The following AGMO variants were observed in gnomAD, a reference collection of about 807,000 sequenced individuals.
The protein encoded by AGMO is alkylglycerol monooxygenase.
In AGMO, 75 loss-of-function variants were observed where a neutral mutation model predicts 60.2. The ratio of observed to expected loss-of-function variants is 1.25; its 90% confidence interval spans 1.03 to 1.51. AGMO has a LOEUF of 1.51. Ranked by LOEUF, AGMO falls within the 40% of genes most tolerant of loss-of-function variation. The pLI is 0.00. For synonymous variants in AGMO, 261 were observed against 177.1 expected, an observed-to-expected ratio of 1.47 and a Z score of -3.76; for missense variants, 763 against 525.5, an observed-to-expected ratio of 1.45 and a Z score of -4.42.
At chr7:15,333,904 G>A (rs1165779924) in intron 12 of AGMO, among the ~76,000 whole-genome samples, 5 of 151,876 alleles carry the variant, frequency 3.3e-5, no homozygotes, top group Non-Finnish European at 7.4e-5. Flanking sequence ...TTCTTCCAGT[G>A]TTCTCAATAT....
chr7:15,555,270 C>CATATATAT (rs375890408), intron 2 of AGMO, among the ~76,000 whole-genome samples: 38 of 114,016 alleles, frequency 3.3e-4, no homozygotes, highest in African/African-American at 4.9e-4. Context: ...TGTATTGGAT[C>CATATATAT]ATATATATAT....
At chr7:15,346,393 T>C (rs1229406676) in intron 12 of AGMO, among the ~76,000 whole-genome samples, 3 of 152,114 alleles carry the variant, frequency 2.0e-5, no homozygotes, top group Non-Finnish European at 4.4e-5. Context: ...TGTTTTTTCA[T>C]GACACCTACT....
chr7:15,467,865 G>A (rs1479346048), intron 3 of AGMO, among the ~76,000 whole-genome samples: 3 of 151,854 alleles, frequency 2.0e-5, no homozygotes, highest in African/African-American at 4.8e-5. Flanking sequence ...CCGGTTTTAG[G>A]GAAATGGCCT....
At position 15,462,719 on chromosome 7, in the gene AGMO, T is replaced by C. The variant is rs147229620; in HGVS notation, c.410-31611A>G. ...AGAAAAATTAAGCTCTATCATGTGA[T>C]TGGCTAAAATGCCCTATATGAAAAC... is the stretch of plus-strand genomic sequence containing the variant. On this transcript the variant is annotated intron_variant, in intron 3 of 12. Transcript: ENST00000342526. Among the ~76,000 whole-genome samples, 624 of 152,286 alleles carry C rather than the reference T, an allele frequency of 4.1e-3. 5 individuals are homozygous for C. The highest frequency in any genetic ancestry group is 0.014 in the African/African-American group (589 of 41,554).
rs62441409 is a variant in AGMO, at chr7:15,393,288, C to G, written c.676+825G>C. On this transcript the variant is annotated intron_variant, in intron 6 of 12. Coordinates refer to ENST00000342526, the MANE Select transcript of AGMO (RefSeq NM_001004320.2). ...CAGGGCTTCAGGGATTCAGGGTTGCCGAGGAAGACTGGAAACTTATAGAAA... is the reference window on the plus strand; with the variant it reads ...CAGGGCTTCAGGGATTCAGGGTTGCGGAGGAAGACTGGAAACTTATAGAAA... Among the ~76,000 whole-genome samples the G allele has an allele frequency of 1.8e-4, 28 of 152,072 alleles. No homozygotes were observed. In the East Asian group the frequency reaches 5.2e-3, roughly 28 times the overall value.
At chr7:15,427,912 A>G (rs1198369067) in intron 4 of AGMO, among the ~76,000 whole-genome samples, 1 of 149,506 alleles carries the variant, frequency 6.7e-6, no homozygotes, top group Admixed American at 6.6e-5. Context: ...AATTCTAGAA[A>G]GTTGAATTCT....
intron 12 of AGMO, among the ~76,000 whole-genome samples, chr7:15,248,222 A>ATATATCTATCTATC (rs1554401294): frequency 1.9e-5 from 2 of 104,208 alleles, no homozygotes; most frequent in African/African-American, 7.3e-5. Flanking sequence ...ATATATATAT[A>ATATATCTATCTATC]TATCTTCATC....
chr7:15,353,993 T>C (rs967670946), intron 12 of AGMO, among the ~76,000 whole-genome samples: 4 of 152,134 alleles, frequency 2.6e-5, no homozygotes, highest in Non-Finnish European at 5.9e-5. Context: ...ATGTGATAGT[T>C]TGCAATTTAC....
At chr7:15,331,367 G>T (rs986890847) in intron 12 of AGMO, among the ~76,000 whole-genome samples, 3 of 152,082 alleles carry the variant, frequency 2.0e-5, no homozygotes, top group African/African-American at 7.2e-5. Flanking sequence ...CTGGAACAGG[G>T]ATAATATATT....
At chr7:15,247,459 C>CACAGAGAGAGAGAGAGAGAG (rs139642069) in intron 12 of AGMO, among the ~76,000 whole-genome samples, 1 of 115,282 alleles carries the variant, frequency 8.7e-6, no homozygotes, top group African/African-American at 3.5e-5. Flanking sequence ...CACACACACA[C>CACAGAGAGAGAGAGAGAGAG]AGAGAGAGAG....
At chr7:15,144,930 CG>C in the AGMO span, among the ~76,000 whole-genome samples, 1 of 152,144 alleles carries the variant, frequency 6.6e-6, no homozygotes, top group Non-Finnish European at 1.5e-5. Flanking sequence ...TCCGGGTTCA[CG>C]CCATTCTCCT....
the AGMO span, among the ~76,000 whole-genome samples, chr7:15,133,686 G>C: frequency 6.6e-6 from 1 of 152,140 alleles, no homozygotes; most frequent in Non-Finnish European, 1.5e-5. Context: ...TAGGAAAAGT[G>C]ACATCATCAA....
chr7:15,168,244 G>A, the AGMO span, among the ~76,000 whole-genome samples: 8 of 152,138 alleles, frequency 5.3e-5, no homozygotes, highest in Admixed American at 1.3e-4. Context: ...GAAGGGAGAG[G>A]AGATCGCCAG....
At chr7:15,350,040 A>G (rs1046868244) in intron 12 of AGMO, among the ~76,000 whole-genome samples, 1 of 152,062 alleles carries the variant, frequency 6.6e-6, no homozygotes, top group Non-Finnish European at 1.5e-5. Flanking sequence ...AATCTTAAAC[A>G]CTGATTATTC....
intron 2 of AGMO, among the ~76,000 whole-genome samples, chr7:15,550,518 A>G (rs1478002244): frequency 3.9e-5 from 6 of 152,160 alleles, no homozygotes; most frequent in Non-Finnish European, 8.8e-5. Context: ...ACAAACTACC[A>G]TCAGAGAATA....
intron 3 of AGMO, among the ~76,000 whole-genome samples, chr7:15,535,863 T>G (rs1784473774): frequency 6.6e-6 from 1 of 151,950 alleles, no homozygotes; most frequent in Non-Finnish European, 1.5e-5. Context: ...CTCCCAGGTG[T>G]GCTATCAAAT....
the AGMO span, among the ~76,000 whole-genome samples, chr7:15,151,807 A>G: frequency 8.3e-4 from 126 of 152,238 alleles, no homozygotes; most frequent in South Asian, 2.9e-3. Flanking sequence ...TATTCTGCAG[A>G]TATTTGTTAG....
intron 3 of AGMO, among the ~76,000 whole-genome samples, chr7:15,438,658 C>T (rs1180898082): frequency 6.6e-6 from 1 of 152,144 alleles, no homozygotes; most frequent in African/African-American, 2.4e-5. Context: ...CAGCAATCAA[C>T]ATGACGAATA....
chr7:15,469,412 A>T (rs937547780), intron 3 of AGMO, among the ~76,000 whole-genome samples: 3 of 152,154 alleles, frequency 2.0e-5, no homozygotes, highest in Non-Finnish European at 4.4e-5. Context: ...AACTAAACCG[A>T]CTATAACAAA....
Sources: allele counts gnomAD v4.1 joint callset (sites outside exome capture counted in the v4.1 genomes callset), GRCh38; gene constraint gnomAD v4.1.1; transcripts MANE v1.5; gene names NCBI Gene and HGNC (gene_info 2026-07-23, HGNC 2026-07-21).